Variants in GLB1 observed in about 807,000 individuals in gnomAD.
GLB1 encodes galactosidase beta 1, also known as beta-galactosidase.
In GLB1, 56 loss-of-function variants were observed where a neutral mutation model predicts 74.0. The ratio of observed to expected loss-of-function variants is 0.76; its 90% CI spans 0.61 to 0.94. GLB1 has a LOEUF of 0.94. Among genes scored for constraint, GLB1 ranks in the 40% least tolerant of loss-of-function variants. GLB1 has a pLI of 0.00. For synonymous variants in GLB1, 323 were observed against 323.6 expected (o/e 1.00, Z 0.02); for missense variants, 787 against 845.5 (o/e 0.93, Z 0.86).
intron 1 of GLB1, among the ~76,000 whole-genome samples, chr3:33,073,067 G>A (rs1699945191): frequency 6.6e-6 from 1 of 152,110 alleles, no homozygotes; most frequent in Non-Finnish European, 1.5e-5. Flanking sequence ...CATTGTTGCT[G>A]TGACCTGCCT....
intron 1 of GLB1, chr3:33,091,667 T>G: frequency 1.0e-6 from 1 of 985,216 alleles, no homozygotes. Flanking sequence ...TTAGGGTTGA[T>G]GGAAACCAAG....
chr3:33,022,428 A>G (rs1203560429), intron 11 of GLB1, among the ~76,000 whole-genome samples: 4 of 151,952 alleles, frequency 2.6e-5, no homozygotes, highest in Non-Finnish European at 5.9e-5. Context: ...ACTCACAGCT[A>G]CCCTGTGAGG....
intron 1 of GLB1, chr3:33,077,368 G>C: frequency 7.4e-7 from 1 of 1,358,102 alleles, no homozygotes; most frequent in Non-Finnish European, 1.0e-6. Flanking sequence ...GATGGTCAAT[G>C]AGACAGATCA....
the GLB1 span, among the ~76,000 whole-genome samples, chr3:32,970,654 C>T: frequency 6.6e-6 from 1 of 152,124 alleles, no homozygotes; most frequent in Non-Finnish European, 1.5e-5. Flanking sequence ...GCAGGTGTCA[C>T]ACGTTGGATT....
chr3:33,063,576 C>T (rs1699537381), intron 5 of GLB1, among the ~76,000 whole-genome samples: 1 of 152,122 alleles, frequency 6.6e-6, no homozygotes, highest in Non-Finnish European at 1.5e-5. Flanking sequence ...CTTGATTATA[C>T]TTTTTGTGGC....
At chr3:33,008,492 C>T (rs1696875858) in intron 15 of GLB1, among the ~76,000 whole-genome samples, 1 of 152,084 alleles carries the variant, frequency 6.6e-6, no homozygotes, top group Admixed American at 6.6e-5. Context: ...AAAGGAGTTA[C>T]ACCTGATAGC....
rs1226161672 is a variant in GLB1 at position 33,072,663 on chromosome 3, G to T, written c.126C>A (p.Leu42=). 8 of 1,614,046 alleles carry T rather than the reference G, an allele frequency of 5.0e-6. No individual in the cohort carries two copies. Among genetic ancestry groups the T allele is most frequent in the Non-Finnish European group, 6.8e-6 (8 of 1,180,040 alleles). ...TGTAGCGAAATGGCTGGCCATCCTT[G>T]AGGAAGGAGTCCCGGCTATAGTCAA... ...FEIDYSRDSF[L]KDGQPFRYIS... is the part of the protein sequence containing the mutation. Residue 42 remains leucine (L), a synonymous_variant, in exon 2 of 16, where the codon CTC becomes CTA. Transcript: ENST00000307363.
chr3:33,035,479 T>C (rs1269595509), intron 10 of GLB1, among the ~76,000 whole-genome samples: 2 of 152,220 alleles, frequency 1.3e-5, no homozygotes, highest in Non-Finnish European at 2.9e-5. Flanking sequence ...CTTTTTGTTA[T>C]GGACTGAACA....
chr3:33,051,621 A>T, intron 9 of GLB1, 137 bp downstream of exon 9: 2 of 1,201,348 alleles, frequency 1.7e-6, no homozygotes, highest in Non-Finnish European at 2.3e-6. Context: ...AAAAAAAAAG[A>T]AAAAGAAAAA....
At chr3:33,092,813 G>A in intron 1 of GLB1, 1 of 1,570,494 alleles carries the variant, frequency 6.4e-7, no homozygotes, top group Non-Finnish European at 8.6e-7. Flanking sequence ...GCAGGGCAGA[G>A]GTGCACAGGG....
intron 5 of GLB1, among the ~76,000 whole-genome samples, chr3:33,064,872 C>T (rs879708006): frequency 6.6e-6 from 1 of 150,866 alleles, no homozygotes; most frequent in African/African-American, 2.4e-5. Context: ...TTTACCAACA[C>T]CAAAAACTGT....
the GLB1 span, among the ~76,000 whole-genome samples, chr3:32,977,229 C>CA: frequency 7.0e-6 from 1 of 143,522 alleles, no homozygotes; most frequent in African/African-American, 2.5e-5. Context: ...TTTTTTGAGA[C>CA]AGAGTCTTGC....
the GLB1 span, among the ~76,000 whole-genome samples, chr3:32,991,083 C>A: frequency 6.6e-6 from 1 of 152,092 alleles, no homozygotes; most frequent in Non-Finnish European, 1.5e-5. Context: ...AAGATTTCAC[C>A]CAAAGAAACA....
At chr3:33,052,375 T>C (rs1206474172) in intron 7 of GLB1, among the ~76,000 whole-genome samples, 1 of 152,222 alleles carries the variant, frequency 6.6e-6, no homozygotes, top group African/African-American at 2.4e-5. Flanking sequence ...GGCTCATGCC[T>C]GTAATCTCAG....
chr3:33,052,441 G>A (rs1376705305), intron 7 of GLB1, among the ~76,000 whole-genome samples: 6 of 152,138 alleles, frequency 3.9e-5, no homozygotes, highest in Non-Finnish European at 4.4e-5. Context: ...AGACCCTCCT[G>A]GCCAACATGG....
chr3:33,050,217 C>G lies in GLB1; in HGVS notation c.955+1541G>C, dbSNP rs183113063. On this transcript the variant is annotated intron_variant, in intron 9 of 15. Coordinates refer to ENST00000307363, the MANE Select transcript of GLB1 (RefSeq NM_000404.4). ...AATACAGAAATGTAAAGTGGTGTGG[C>G]CTTTTTGGGAAACACTATGGCAGTT... Among the ~76,000 whole-genome samples, 25 of 152,260 alleles carry G rather than the reference C, an allele frequency of 1.6e-4. 1 individual carries two copies. The East Asian group carries it at 4.8e-3, about 29-fold the overall frequency.
chr3:33,043,771 G>GAAAGATACATCAGAAAAATACCAAGCA (rs1698600784), intron 10 of GLB1, among the ~76,000 whole-genome samples: 2 of 82,296 alleles, frequency 2.4e-5, no homozygotes, highest in Non-Finnish European at 5.8e-5. Flanking sequence ...ACAGCATTGG[G>GAAAGATACATCAGAAAAATACCAAGCA]AAAGATACCT....
chr3:33,050,426 G>A (rs1389097385), intron 9 of GLB1, among the ~76,000 whole-genome samples: 2 of 152,150 alleles, frequency 1.3e-5, no homozygotes, highest in East Asian at 3.8e-4. Flanking sequence ...ATAAAATACT[G>A]TACATCCACA....
chr3:33,030,952 A>ACAT (rs1697978503), intron 10 of GLB1: 1 of 436,520 alleles, frequency 2.3e-6, no homozygotes, highest in South Asian at 9.7e-5. Flanking sequence ...TTCATCCTCG[A>ACAT]GGTCAAAGTG....
Sources: allele counts gnomAD v4.1 joint callset (sites outside exome capture counted in the v4.1 genomes callset), GRCh38; gene constraint gnomAD v4.1.1; transcripts MANE v1.5; gene names NCBI Gene and HGNC (gene_info 2026-07-23, HGNC 2026-07-21).